The following LAMA4 variants were observed in gnomAD, a reference collection of about 807,000 sequenced individuals.
The protein encoded by LAMA4 is laminin subunit alpha-4.
In LAMA4, 127 loss-of-function variants were observed where a neutral mutation model predicts 207.1. That is an observed-to-expected ratio of 0.61 (90% CI 0.53 to 0.71). The LOEUF (loss-of-function observed/expected upper bound fraction) is 0.71. LAMA4 is among the 30% of genes least tolerant of loss of function. LAMA4 has a pLI of 0.00. For missense variants in LAMA4, 2,093 were observed against 2,246.5 expected, an observed-to-expected ratio of 0.93 and a Z score of 1.38; for synonymous variants, 761 against 816.0, an observed-to-expected ratio of 0.93 and a Z score of 1.15.
At chr6:112,216,238 A>G (rs782624887) in intron 3 of LAMA4, 130 bp downstream of exon 3, 159 of 722,088 alleles carry the variant, frequency 2.2e-4, no homozygotes, top group Non-Finnish European at 3.8e-4. Flanking sequence ...GGAAAAGCTG[A>G]AGGGTGAACA....
chr6:112,134,908 A>G (rs1389910532), intron 25 of LAMA4, among the ~76,000 whole-genome samples: 5 of 105,800 alleles, frequency 4.7e-5, no homozygotes, highest in Non-Finnish European at 9.5e-5. Context: ...AGGATTCAGG[A>G]AAGAACTATA....
chr6:112,117,959 C>A lies in LAMA4; in HGVS notation c.4822-61G>T. ...TCAACACAAATGCACCAAGGGGAAG[C>A]AAAATGAGGGGGTTTGAGTCCTGAA... On this transcript the variant is annotated intron_variant, in intron 34 of 38. Transcript: ENST00000230538. The surrounding 1 kb of genome is among the most constrained non-coding windows in gnomAD (Gnocchi z 4.5). 6.8e-7 allele frequency: 1 copy of A among 1,462,872 alleles called. No individual in the cohort carries two copies. The highest frequency in any genetic ancestry group is 9.6e-7 in the Non-Finnish European group (1 of 1,045,932). 90.6% of individuals were successfully genotyped at this position (1,462,872 alleles called of 1,614,324 possible). A position where few individuals can be genotyped will look rare whatever the true frequency, so the allele number is the denominator to read the frequency against.
chr6:112,224,412 C>A (rs1450435566), intron 2 of LAMA4, among the ~76,000 whole-genome samples: 3 of 152,182 alleles, frequency 2.0e-5, no homozygotes, highest in African/African-American at 7.2e-5. Flanking sequence ...AACTTAATCG[C>A]ACTGGCTCTG....
At chr6:112,224,461 G>A (rs559303397) in intron 2 of LAMA4, among the ~76,000 whole-genome samples, 1 of 151,986 alleles carries the variant, frequency 6.6e-6, no homozygotes, top group South Asian at 2.1e-4. Context: ...TCCATCCATC[G>A]TCTGGCTCTG....
chr6:112,204,811 CAT>C (rs1459374316), intron 4 of LAMA4, among the ~76,000 whole-genome samples: 1 of 152,158 alleles, frequency 6.6e-6, no homozygotes. Flanking sequence ...CCCTTTTGCA[CAT>C]GTTATTAATA....
At chr6:112,232,771 C>G (rs782529269) in intron 2 of LAMA4, among the ~76,000 whole-genome samples, 2 of 151,966 alleles carry the variant, frequency 1.3e-5, no homozygotes, top group African/African-American at 4.8e-5. Context: ...ATTCACACTG[C>G]CATTTTAATG....
chr6:112,190,916 TTTC>T (rs1554348514), intron 6 of LAMA4, among the ~76,000 whole-genome samples: 13 of 100,138 alleles, frequency 1.3e-4, no homozygotes, highest in African/African-American at 3.4e-4. Flanking sequence ...TCTTTCTTTC[TTTC>T]TTTCTTTCTT....
Position 112,216,764 on chromosome 6 carries a change from A to C in LAMA4, c.196-295T>G, listed in dbSNP as rs530364678. On this transcript the variant is annotated intron_variant, in intron 2 of 38. Coordinates refer to ENST00000230538, the MANE Select transcript of LAMA4 (RefSeq NM_001105206.3). Reference sequence around the variant, plus strand: ...TTGCAAGGAAGAATAAGAAGGTATTACGTAACAGTAAGGGAGAAAAAAATG... The same window carrying C: ...TTGCAAGGAAGAATAAGAAGGTATTCCGTAACAGTAAGGGAGAAAAAAATG... 3.1e-4 allele frequency: 122 copies of C among 397,970 alleles called. 1 individual carries two copies. The highest frequency in any genetic ancestry group is 2.4e-3 in the African/African-American group (116 of 48,910). The allele number at this position is 397,970 out of a possible 1,614,324, so 24.7% of individuals were successfully genotyped here. A position where few individuals can be genotyped will look rare whatever the true frequency, so the allele number is the denominator to read the frequency against.
Position 112,108,387 on chromosome 6 carries a change from TAAGAC to T in LAMA4, c.*1045_*1049del, listed in dbSNP as rs1777532408. The stretch of plus-strand genomic sequence containing the variant: ...AAAAAAGATTATAACATTTTAGAAA[TAAGAC>T]TAGTTGTGTTGCAGGTATGTGGAGA... On this transcript the variant is annotated 3_prime_UTR_variant, in exon 39 of 39. Coordinates refer to ENST00000230538, the MANE Select transcript of LAMA4 (RefSeq NM_001105206.3). 6.6e-6 allele frequency among the ~76,000 whole-genome samples: 1 copy of T among 152,314 alleles called. No homozygotes were observed. The highest frequency in any genetic ancestry group is 2.4e-5 in the African/African-American group (1 of 41,576).
chr6:112,142,990 TA>T (rs1779795624), intron 19 of LAMA4, among the ~76,000 whole-genome samples: 1 of 152,196 alleles, frequency 6.6e-6, no homozygotes, highest in Non-Finnish European at 1.5e-5. Context: ...GTGCCTCTTA[TA>T]ATGGCTCACA....
In LAMA4 at chr6:112,172,777, C is replaced by T. The variant is rs781977997; in HGVS notation, c.1385G>A (p.Arg462Gln). 5.4e-5 allele frequency: 87 copies of T among 1,613,768 alleles called. No individual in the cohort carries two copies. Among genetic ancestry groups the T allele is most frequent in the Non-Finnish European group, 6.5e-5 (77 of 1,179,958 alleles). ...ELLSQAESWQ[R>Q]LHNETRTLFP... Reference sequence around the variant, plus strand: ...CAGAGTGCGGGTCTCATTGTGCAGCCGCTGCCAGCTCTCAGCCTGGCTCAG... The same window carrying T: ...CAGAGTGCGGGTCTCATTGTGCAGCTGCTGCCAGCTCTCAGCCTGGCTCAG... The change falls in exon 12 of 39, where the codon CGG (arginine) becomes CAG (glutamine). Residue 462 changes from arginine to glutamine, a missense_variant. Around this residue, in one of 3 missense-constraint regions of LAMA4, gnomAD observed 1,704 missense variants for 1,788.4 expected, o/e 0.95. Coordinates refer to ENST00000230538, the MANE Select transcript of LAMA4 (RefSeq NM_001105206.3).
In LAMA4 at chr6:112,253,726, C is replaced by T. The variant is rs1787629506; in HGVS notation, c.195+230G>A. 1.9e-6 allele frequency: 3 copies of T among 1,611,372 alleles called. No individual in the cohort carries two copies. The East Asian group carries it at 6.7e-5, about 36-fold the overall frequency. On this transcript the variant is annotated intron_variant, in intron 2 of 38. Transcript: ENST00000230538. ...CTCAGAGCACCAACACATGCACTCTCACCCCTTTGAGCAGACACATTCCGA... is the reference window on the plus strand; with the variant it reads ...CTCAGAGCACCAACACATGCACTCTTACCCCTTTGAGCAGACACATTCCGA...
chr6:112,145,281 CAGAG>C (rs1554334283), intron 18 of LAMA4, among the ~76,000 whole-genome samples: 1 of 152,262 alleles, frequency 6.6e-6, no homozygotes, highest in Non-Finnish European at 1.5e-5. Flanking sequence ...CTCTTGCGCC[CAGAG>C]AAAGAGAGAA....
intron 12 of LAMA4, among the ~76,000 whole-genome samples, chr6:112,169,371 G>C (rs1583783681): frequency 6.6e-6 from 1 of 152,156 alleles, no homozygotes; most frequent in Non-Finnish European, 1.5e-5. Context: ...GAGGAAAAAA[G>C]GTGTTGGTTT....
At chr6:112,122,670 G>C (rs73532606) in intron 31 of LAMA4, among the ~76,000 whole-genome samples, 1 of 152,000 alleles carries the variant, frequency 6.6e-6, no homozygotes, top group African/African-American at 2.4e-5. Flanking sequence ...AATACTTAAG[G>C]ATATTTTTGG....
Position 112,117,282 on chromosome 6 carries a change from A to G in LAMA4, c.4981+457T>C, listed in dbSNP as rs587775745. Among the ~76,000 whole-genome samples the G allele has an allele frequency of 2.0e-5, 3 of 152,290 alleles. No individual in the cohort carries two copies. The highest frequency in any genetic ancestry group is 7.2e-5 in the African/African-American group (3 of 41,564). On this transcript the variant is annotated intron_variant, in intron 35 of 38. Coordinates refer to ENST00000230538, the MANE Select transcript of LAMA4 (RefSeq NM_001105206.3). The surrounding 1 kb of genome is among the most constrained non-coding windows in gnomAD (Gnocchi z 4.5). ...TAAAAACTGAATGAGTGAGGGAGTAATGGTCAAGGAGAATAATAAAAAGCC... is the reference window on the plus strand; with the variant it reads ...TAAAAACTGAATGAGTGAGGGAGTAGTGGTCAAGGAGAATAATAAAAAGCC...
intron 13 of LAMA4, among the ~76,000 whole-genome samples, chr6:112,162,773 T>C (rs1781132413): frequency 6.6e-6 from 1 of 152,130 alleles, no homozygotes; most frequent in East Asian, 1.9e-4. Flanking sequence ...AGTTTGGAAC[T>C]CCGTGGAGGT....
At chr6:112,159,470 T>C (rs1209534910) in intron 13 of LAMA4, 1 of 155,506 alleles carries the variant, frequency 6.4e-6, no homozygotes, top group African/African-American at 2.4e-5. Context: ...ACCACAGACC[T>C]ACGATTTTGC....
At chr6:112,229,968 G>A (rs1232831144) in intron 2 of LAMA4, among the ~76,000 whole-genome samples, 1 of 151,958 alleles carries the variant, frequency 6.6e-6, no homozygotes, top group Non-Finnish European at 1.5e-5. Flanking sequence ...TCATATGTGG[G>A]GAACAAATTT....
Sources: allele counts gnomAD v4.1 joint callset (sites outside exome capture counted in the v4.1 genomes callset), GRCh38; gene constraint gnomAD v4.1.1; regional missense constraint gnomAD v4.1.1; non-coding constraint Gnocchi (gnomAD v3.1); transcripts MANE v1.5; gene names NCBI Gene and HGNC (gene_info 2026-07-23, HGNC 2026-07-21).